GRM5: variants seen among roughly 807,000 people sequenced by gnomAD.
GRM5 encodes the protein metabotropic glutamate receptor 5.
A neutral mutation model predicts 83.1 loss-of-function variants in GRM5; 19 were observed. That is an observed-to-expected ratio of 0.23 (90% CI 0.16 to 0.34). The LOEUF is 0.34. Ranked by LOEUF, GRM5 falls within the 10% of genes least tolerant of loss-of-function variation. The probability of loss-of-function intolerance (pLI) is 1.00; values close to 1 mark genes in which losing one functional copy is unlikely to be tolerated. For synonymous variants in GRM5, 675 were observed against 633.6 expected (o/e 1.07, Z -0.98); for missense variants, 1,160 against 1,588.3 (o/e 0.73, Z 4.58).
At chr11:88,962,692 G>A (rs530657819) in intron 2 of GRM5, among the ~76,000 whole-genome samples, 2 of 152,092 alleles carry the variant, frequency 1.3e-5, no homozygotes, top group East Asian at 1.9e-4. Context: ...TGAGTAAGAC[G>A]TACTCTAACC....
chr11:88,769,071 T>C (rs1942677129), intron 3 of GRM5, among the ~76,000 whole-genome samples: 2 of 152,110 alleles, frequency 1.3e-5, no homozygotes, highest in South Asian at 4.1e-4. Context: ...TACTGCGCTC[T>C]AGTCAATAAA....
intron 2 of GRM5, among the ~76,000 whole-genome samples, chr11:88,964,563 A>C (rs562122919): frequency 6.6e-6 from 1 of 152,286 alleles, no homozygotes; most frequent in African/African-American, 2.4e-5. Context: ...ACAAATAGAC[A>C]GACACCTGCA....
intron 2 of GRM5, among the ~76,000 whole-genome samples, chr11:89,007,305 T>A (rs2135081864): frequency 6.6e-6 from 1 of 152,334 alleles, no homozygotes; most frequent in Non-Finnish European, 1.5e-5. Context: ...CTTTTTCTTG[T>A]ACTATAACAC....
chr11:88,566,982 AG>A (rs949508670), intron 8 of GRM5, 70 bp downstream of exon 8: 4 of 987,256 alleles, frequency 4.1e-6, no homozygotes, highest in Non-Finnish European at 6.1e-6. Context: ...CCCATTTAAA[AG>A]ACCCAGGAAA....
rs990037397 is a variant in GRM5 at position 88,971,091 on chromosome 11, A to T, written c.661+76121T>A. Among the ~76,000 whole-genome samples, 61 of 151,388 alleles carry T rather than the reference A, an allele frequency of 4.0e-4. 1 individual carries two copies. Among genetic ancestry groups the T allele is most frequent in the African/African-American group, 1.3e-3 (51 of 40,744 alleles). ...AAATTCATTTAGGGTAGTGGAAAAC[A>T]TATTTCTCATTGTTGAAAATGGGAC... On this transcript the variant is annotated intron_variant, in intron 2 of 9. Coordinates refer to ENST00000305447, the MANE Select transcript of GRM5 (RefSeq NM_001143831.3).
At chr11:88,611,678 GATGTTTTGT>G (rs1314460198) in intron 4 of GRM5, among the ~76,000 whole-genome samples, 1 of 151,940 alleles carries the variant, frequency 6.6e-6, no homozygotes, top group Non-Finnish European at 1.5e-5. Context: ...TGTTTTCATT[GATGTTTTGT>G]ATGGATTTTC....
At chr11:88,611,312 C>G (rs1237352028) in intron 4 of GRM5, among the ~76,000 whole-genome samples, 1 of 152,158 alleles carries the variant, frequency 6.6e-6, no homozygotes, top group Admixed American at 6.5e-5. Context: ...CTTTGAACAT[C>G]TGGTAGAATT....
At chr11:89,045,641 C>T (rs1941626067) in intron 2 of GRM5, among the ~76,000 whole-genome samples, 1 of 152,070 alleles carries the variant, frequency 6.6e-6, no homozygotes, top group African/African-American at 2.4e-5. Context: ...ACAGTTTAAA[C>T]TAGTAAAAGC....
intron 3 of GRM5, among the ~76,000 whole-genome samples, chr11:88,675,594 T>C (rs1344548024): frequency 6.6e-6 from 1 of 151,980 alleles, no homozygotes; most frequent in Non-Finnish European, 1.5e-5. Flanking sequence ...AAATGGCAGT[T>C]ATTATAATGT....
intron 2 of GRM5, among the ~76,000 whole-genome samples, chr11:88,988,212 T>C (rs1188374811): frequency 6.6e-6 from 1 of 151,960 alleles, no homozygotes; most frequent in East Asian, 1.9e-4. Flanking sequence ...ACGCGAAGAA[T>C]GCAGAAGCCT....
intron 1 of GRM5, among the ~76,000 whole-genome samples, chr11:89,053,492 C>G (rs1269844880): frequency 6.6e-6 from 1 of 152,154 alleles, no homozygotes; most frequent in Non-Finnish European, 1.5e-5. Context: ...AATCTATCAG[C>G]ATCACTCATG....
At chr11:88,841,229 T>G (rs939951045) in intron 3 of GRM5, among the ~76,000 whole-genome samples, 4 of 152,134 alleles carry the variant, frequency 2.6e-5, no homozygotes, top group Non-Finnish European at 5.9e-5. Context: ...ACAGCAAATA[T>G]TCCTTCTCCT....
At chr11:88,710,019 C>G (rs560232392) in intron 3 of GRM5, among the ~76,000 whole-genome samples, 2 of 152,188 alleles carry the variant, frequency 1.3e-5, no homozygotes, top group African/African-American at 4.8e-5. Flanking sequence ...GCTGGGTATT[C>G]GCATTCACAA....
chr11:88,803,151 C>T (rs904563836), intron 3 of GRM5, among the ~76,000 whole-genome samples: 4 of 150,144 alleles, frequency 2.7e-5, no homozygotes, highest in African/African-American at 9.9e-5. Flanking sequence ...CATCAAGCTA[C>T]CAATGACTTT....
At chr11:88,971,787 G>A (rs114365885) in intron 2 of GRM5, among the ~76,000 whole-genome samples, 3,107 of 151,960 alleles carry the variant, frequency 0.02, 94 homozygotes, top group African/African-American at 0.069. Flanking sequence ...TAATTACACC[G>A]CAGTTATGAG....
rs150586066 is a variant in GRM5 at position 88,881,609 on chromosome 11, T to C, written c.662-31454A>G. On this transcript the variant is annotated intron_variant, in intron 2 of 9. Transcript: ENST00000305447. ...TCAAAAAGATGAAACCGAGTTCAAG[T>C]ATAAATGGAGACTGTAGTAACAAAG... 3.5e-3 allele frequency among the ~76,000 whole-genome samples: 531 copies of C among 152,270 alleles called. 4 individuals are homozygous for C. The highest frequency in any genetic ancestry group is 0.012 in the African/African-American group (514 of 41,568).
chr11:88,997,055 TG>T (rs1940205521), intron 2 of GRM5, among the ~76,000 whole-genome samples: 1 of 152,172 alleles, frequency 6.6e-6, no homozygotes, highest in Non-Finnish European at 1.5e-5. Context: ...ATGGGTGCAG[TG>T]GCTCACACCT....
At chr11:88,697,781 A>T (rs1289633595) in intron 3 of GRM5, among the ~76,000 whole-genome samples, 1 of 152,230 alleles carries the variant, frequency 6.6e-6, no homozygotes, top group Non-Finnish European at 1.5e-5. Flanking sequence ...CTAAAGTAAT[A>T]GATTTCTCTT....
intron 3 of GRM5, among the ~76,000 whole-genome samples, chr11:88,839,391 T>C (rs541299385): frequency 6.6e-6 from 1 of 152,308 alleles, no homozygotes; most frequent in East Asian, 1.9e-4. Flanking sequence ...AAAAATGGTT[T>C]TAGTACATGG....
Sources: gnomAD v4.1 joint callset for allele counts (sites outside exome capture counted in the v4.1 genomes callset) on GRCh38, gnomAD v4.1.1 for gene constraint, MANE v1.5 for transcripts, NCBI Gene and HGNC (gene_info 2026-07-23, HGNC 2026-07-21) for gene names.